Variants in SPHKAP observed in about 807,000 individuals in gnomAD.
The protein encoded by SPHKAP is SPHK1 interactor, AKAP domain containing, also known as A-kinase anchor protein SPHKAP.
SPHKAP carries 67 observed loss-of-function variants against 137.5 expected under a neutral mutation model. The ratio of observed to expected loss-of-function variants is 0.49; its 90% CI spans 0.40 to 0.60. SPHKAP has a LOEUF of 0.60. Ranked by LOEUF, SPHKAP falls within the 20% of genes least tolerant of loss-of-function variation. The pLI is 0.00. For missense variants in SPHKAP, 2,097 were observed against 2,069.3 expected, an observed-to-expected ratio of 1.01 and a Z score of -0.26; for synonymous variants, 813 against 785.3, an observed-to-expected ratio of 1.04 and a Z score of -0.59.
At chr2:228,003,820 C>G (rs1474412459) in intron 7 of SPHKAP, among the ~76,000 whole-genome samples, 1 of 152,194 alleles carries the variant, frequency 6.6e-6, no homozygotes, top group Non-Finnish European at 1.5e-5. Context: ...TTGAGATAAT[C>G]ATGTGGTTTT....
intron 2 of SPHKAP, among the ~76,000 whole-genome samples, chr2:228,110,484 C>CTT (rs1698484816): frequency 6.6e-6 from 1 of 152,182 alleles, no homozygotes; most frequent in East Asian, 1.9e-4. Context: ...TTACTGCAGA[C>CTT]TGACGTTGGC....
chr2:228,151,379 T>G (rs541124258), intron 1 of SPHKAP, among the ~76,000 whole-genome samples: 1 of 151,768 alleles, frequency 6.6e-6, no homozygotes, highest in African/African-American at 2.4e-5. Flanking sequence ...TTGTGAATAG[T>G]GCCGCAATAA....
chr2:228,017,579 T>G lies in SPHKAP; in HGVS notation c.3275A>C (p.Glu1092Ala). The G allele has an allele frequency of 6.2e-7, 1 of 1,613,874 alleles. No homozygotes were observed. Among genetic ancestry groups the G allele is most frequent in the Non-Finnish European group, 8.5e-7 (1 of 1,180,022 alleles). ...CAGGCTGTTGACATAGGCCCTGGCCTCGGAGTCTTCCTCAGGAATGCTTTC... is the reference window on the plus strand; with the variant it reads ...CAGGCTGTTGACATAGGCCCTGGCCGCGGAGTCTTCCTCAGGAATGCTTTC... ...SCESIPEEDS[E>A]ARAYVNSLGL... The change falls in exon 7 of 12, where the codon GAG becomes GCG. Residue 1092 changes from glutamate (E) to alanine (A), a missense_variant. Glu to Ala is a moderately radical substitution (Grantham distance 107). Transcript: ENST00000392056.
At chr2:228,166,090 A>T (rs1329368412) in intron 1 of SPHKAP, among the ~76,000 whole-genome samples, 1 of 152,198 alleles carries the variant, frequency 6.6e-6, no homozygotes, top group African/African-American at 2.4e-5. Flanking sequence ...GGACTATGAC[A>T]TGATAGGTGC....
intron 3 of SPHKAP, among the ~76,000 whole-genome samples, chr2:228,055,015 G>A (rs1448008818): frequency 1.3e-5 from 2 of 151,742 alleles, no homozygotes; most frequent in Non-Finnish European, 1.5e-5. Flanking sequence ...GGTGTTGCAT[G>A]CCTGTAATCC....
intron 3 of SPHKAP, among the ~76,000 whole-genome samples, chr2:228,046,079 TAC>T (rs1036329983): frequency 1.3e-5 from 2 of 151,106 alleles, no homozygotes; most frequent in Non-Finnish European, 1.5e-5. Context: ...TCCCACCCCC[TAC>T]ACACACACAC....
In SPHKAP at chr2:228,019,458, C is replaced by T. The variant is rs1694749767; in HGVS notation, c.1396G>A (p.Gly466Ser). The T allele has an allele frequency of 6.2e-7, 1 of 1,614,158 alleles. No individual in the cohort carries two copies. The highest frequency in any genetic ancestry group is 2.2e-5 in the East Asian group (1 of 44,872). ...TCCATCTCAGGCCAGGAGGAGATGCCTGGCTGTGGGGCAGCATCACTGCCA... is the reference window on the plus strand; with the variant it reads ...TCCATCTCAGGCCAGGAGGAGATGCTTGGCTGTGGGGCAGCATCACTGCCA... ...PDGSDAAPQP[G>S]ISSWPEMEVS... Residue 466 changes from glycine (G) to serine (S), a missense_variant, in exon 7 of 12, where the codon GGC becomes AGC. Coordinates refer to ENST00000392056, the MANE Select transcript of SPHKAP (RefSeq NM_001142644.2).
At chr2:228,030,487 C>T (rs534737956) in intron 3 of SPHKAP, among the ~76,000 whole-genome samples, 182 of 136,098 alleles carry the variant, frequency 1.3e-3, no homozygotes, top group South Asian at 7.2e-3. Context: ...TGCACTCCAG[C>T]CTGGCAACAG....
chr2:227,999,724 T>C (rs1693777837), intron 7 of SPHKAP, among the ~76,000 whole-genome samples: 1 of 152,202 alleles, frequency 6.6e-6, no homozygotes, highest in African/African-American at 2.4e-5. Context: ...GAATGAATAA[T>C]CATTATCCAC....
In SPHKAP at chr2:227,991,072, C is replaced by T; in HGVS notation, c.4887G>A (p.Gln1629=). Residue 1629 remains glutamine (Q), a synonymous_variant, in exon 11 of 12, where the codon CAG becomes CAA. Coordinates refer to ENST00000392056, the MANE Select transcript of SPHKAP (RefSeq NM_001142644.2). The part of the protein sequence containing the change: ...CPDAELRATL[Q]WIAASELGIP... The stretch of plus-strand genomic sequence containing the variant: ...TCCCCAGTTCAGAGGCAGCTATCCA[C>T]TGCAGAGTGGCTCGGAGCTCGGCAT... 1 of 1,614,182 alleles carries T rather than the reference C, an allele frequency of 6.2e-7. No individual in the cohort carries two copies. The highest frequency in any genetic ancestry group is 8.5e-7 in the Non-Finnish European group (1 of 1,180,028).
Position 228,025,425 on chromosome 2 carries a change from C to G in SPHKAP, c.410G>C (p.Gly137Ala), listed in dbSNP as rs563290492. ...AACTTCAAAATCTGCCTGGAGATTTCCAGAGGCTAACCCACTTAGGACAAC... is the reference window on the plus strand; with the variant it reads ...AACTTCAAAATCTGCCTGGAGATTTGCAGAGGCTAACCCACTTAGGACAAC... ...EIVVLSGLAS[G>A]NLQADFEVSQ... is the part of the protein sequence containing the mutation. The change falls in exon 5 of 12, where the codon GGA becomes GCA. Residue 137 changes from glycine to alanine, a missense_variant. By Grantham distance (60) the Gly-to-Ala change is moderately conservative. Coordinates refer to ENST00000392056, the MANE Select transcript of SPHKAP (RefSeq NM_001142644.2). 2.1e-5 allele frequency: 34 copies of G among 1,613,846 alleles called. No individual in the cohort carries two copies. In the African/African-American group the frequency reaches 4.1e-4, roughly 20 times the overall value.
chr2:228,165,425 C>A (rs1700395834), intron 1 of SPHKAP, among the ~76,000 whole-genome samples: 1 of 152,114 alleles, frequency 6.6e-6, no homozygotes, highest in East Asian at 1.9e-4. Flanking sequence ...CCGTTTGGTG[C>A]CTTTCATACA....
chr2:228,157,504 G>T (rs1013369816), intron 1 of SPHKAP, among the ~76,000 whole-genome samples: 2 of 152,142 alleles, frequency 1.3e-5, no homozygotes, highest in African/African-American at 4.8e-5. Flanking sequence ...AAAGAAAAAG[G>T]CAGGACCCAA....
chr2:227,982,447 C>T, intron 11 of SPHKAP: 1 of 814,578 alleles, frequency 1.2e-6, no homozygotes, highest in Non-Finnish European at 1.5e-6. Flanking sequence ...GATTTGTCAC[C>T]TGGGTATTGG....
chr2:228,070,594 T>G (rs756871346), intron 3 of SPHKAP, among the ~76,000 whole-genome samples: 4 of 152,178 alleles, frequency 2.6e-5, no homozygotes, highest in Non-Finnish European at 5.9e-5. Context: ...CACTGTCTAA[T>G]GTCAATTTGT....
At position 228,161,874 on chromosome 2, in the gene SPHKAP, G is replaced by C. The variant is rs955122455; in HGVS notation, c.32+19693C>G. 5.9e-5 allele frequency among the ~76,000 whole-genome samples: 9 copies of C among 152,264 alleles called. No individual in the cohort carries two copies. In the East Asian group the frequency reaches 1.7e-3, roughly 29 times the overall value. Reference sequence around the variant, plus strand: ...CCTATTAAGTATGTGGTAATCAGTTGAAATGCCTTGTTTATAGCATTGCCA... The same window carrying C: ...CCTATTAAGTATGTGGTAATCAGTTCAAATGCCTTGTTTATAGCATTGCCA... On this transcript the variant is annotated intron_variant, in intron 1 of 11. Coordinates refer to ENST00000392056, the MANE Select transcript of SPHKAP (RefSeq NM_001142644.2).
chr2:228,022,972 G>A (rs1694895442), intron 5 of SPHKAP, among the ~76,000 whole-genome samples: 1 of 152,182 alleles, frequency 6.6e-6, no homozygotes, highest in Non-Finnish European at 1.5e-5. Flanking sequence ...TCCATAGGAA[G>A]TGAACTAATT....
In SPHKAP at chr2:228,014,006, T is replaced by C. The variant is rs577297297; in HGVS notation, c.4448+2400A>G. Reference sequence around the variant, plus strand: ...TCTATGTAATACAAACCTAAGTCATTTGGGGACTTTATTCATACATATTTC... The same window carrying C: ...TCTATGTAATACAAACCTAAGTCATCTGGGGACTTTATTCATACATATTTC... On this transcript the variant is annotated intron_variant, in intron 7 of 11. Transcript: ENST00000392056. Among the ~76,000 whole-genome samples the C allele has an allele frequency of 4.6e-5, 7 of 152,280 alleles. No individual in the cohort carries two copies. In the South Asian group the frequency reaches 1.0e-3, roughly 23 times the overall value.
intron 3 of SPHKAP, among the ~76,000 whole-genome samples, chr2:228,100,970 A>G (rs1392424505): frequency 6.6e-6 from 1 of 152,120 alleles, no homozygotes. Flanking sequence ...AGCACTTTTT[A>G]TAAGAGTGGC....
Sources: allele counts gnomAD v4.1 joint callset (sites outside exome capture counted in the v4.1 genomes callset), GRCh38; gene constraint gnomAD v4.1.1; transcripts MANE v1.5; gene names NCBI Gene and HGNC (gene_info 2026-07-23, HGNC 2026-07-21).